RBFOX1: variants seen among roughly 807,000 people sequenced by gnomAD.
RBFOX1 encodes the protein RNA binding protein fox-1 homolog 1.
RBFOX1 carries 8 observed loss-of-function variants against 57.7 expected under a neutral mutation model. The observed-to-expected ratio is 0.14, with a 90% confidence interval of 0.08 to 0.25. The LOEUF is 0.25. Among genes scored for constraint, RBFOX1 ranks in the 10% least tolerant of loss-of-function variants. The pLI is 1.00. For missense variants in RBFOX1, 611 were observed against 548.5 expected, an observed-to-expected ratio of 1.11 and a Z score of -1.14; for synonymous variants, 326 against 222.4, an observed-to-expected ratio of 1.47 and a Z score of -4.15.
chr16:6,018,084 A>G (rs999602549), upstream of RBFOX1, among the ~76,000 whole-genome samples: 3 of 152,180 alleles, frequency 2.0e-5, no homozygotes, highest in South Asian at 2.1e-4. Flanking sequence ...CCTTGAACAA[A>G]TTACAACTCA....
chr16:7,707,529 G>C (rs149917913), intron 14 of RBFOX1, among the ~76,000 whole-genome samples: 56 of 152,204 alleles, frequency 3.7e-4, no homozygotes, highest in African/African-American at 1.2e-3. Context: ...AATGGTCAAA[G>C]AATCAAAAAA....
intron 2 of RBFOX1, among the ~76,000 whole-genome samples, chr16:6,647,175 G>A (rs1429074262): frequency 2.0e-5 from 3 of 150,182 alleles, no homozygotes; most frequent in Admixed American, 1.3e-4. Flanking sequence ...TACGCTACCA[G>A]AGAGAGAGAG....
intron 3 of RBFOX1, among the ~76,000 whole-genome samples, chr16:7,051,810 C>T (rs971595547): frequency 6.6e-6 from 1 of 152,190 alleles, no homozygotes; most frequent in Non-Finnish European, 1.5e-5. Context: ...GCCTCCCACA[C>T]ATACTCCTGC....
chr16:7,024,988 A>C (rs1434666177), intron 3 of RBFOX1, among the ~76,000 whole-genome samples: 2 of 152,162 alleles, frequency 1.3e-5, no homozygotes, highest in Admixed American at 1.3e-4. Context: ...AGCAGAGATG[A>C]AACTGTTACA....
rs371478148 is a variant in RBFOX1, at chr16:7,133,324, T to C, written c.27+81226T>C. Among the ~76,000 whole-genome samples the C allele has an allele frequency of 1.4e-4, 22 of 152,364 alleles. No individual in the cohort carries two copies. In the South Asian group the frequency reaches 3.3e-3, roughly 23 times the overall value. ...TTGAAAAGCTTTGGCTTTTGAGATA[T>C]TTGGTTTCTGGACTCTTGTTTCTGT... On this transcript the variant is annotated intron_variant, in intron 4 of 15. Coordinates refer to ENST00000550418, the MANE Select transcript of RBFOX1 (RefSeq NM_018723.4).
chr16:7,573,269 G>A (rs915105372), intron 5 of RBFOX1, among the ~76,000 whole-genome samples: 3 of 152,078 alleles, frequency 2.0e-5, no homozygotes, highest in Non-Finnish European at 2.9e-5. Flanking sequence ...GCCAACAAGC[G>A]ACAATGGGAG....
intron 2 of RBFOX1, among the ~76,000 whole-genome samples, chr16:5,561,948 C>T (rs1048052555): frequency 2.6e-5 from 4 of 152,142 alleles, no homozygotes; most frequent in Admixed American, 2.6e-4. Flanking sequence ...GCCTCTTTTC[C>T]CCTGTCATCG....
chr16:6,622,543 A>G (rs2154044192), intron 2 of RBFOX1, among the ~76,000 whole-genome samples: 1 of 152,314 alleles, frequency 6.6e-6, no homozygotes, highest in Non-Finnish European at 1.5e-5. Context: ...TGTCACAAGG[A>G]TGAAATCACC....
chr16:6,231,249 T>TGC (rs2097457851), intron 1 of RBFOX1, among the ~76,000 whole-genome samples: 1 of 151,722 alleles, frequency 6.6e-6, no homozygotes, highest in Non-Finnish European at 1.5e-5. Flanking sequence ...GGTGTGTGTG[T>TGC]GTGTGTGTGT....
upstream of RBFOX1, among the ~76,000 whole-genome samples, chr16:6,014,419 A>G (rs1322446249): frequency 1.3e-5 from 2 of 152,218 alleles, no homozygotes; most frequent in Non-Finnish European, 2.9e-5. Context: ...TCTTTTCACA[A>G]AAAAGAGACC....
chr16:6,367,030 C>A (rs560100041), intron 2 of RBFOX1, among the ~76,000 whole-genome samples: 27 of 152,288 alleles, frequency 1.8e-4, no homozygotes, highest in African/African-American at 6.3e-4. Context: ...ATTGGTGCTT[C>A]ACACTATTTT....
intron 3 of RBFOX1, among the ~76,000 whole-genome samples, chr16:6,854,352 G>T (rs961948919): frequency 5.9e-5 from 9 of 152,090 alleles, no homozygotes; most frequent in African/African-American, 1.9e-4. Context: ...CCTATGAAGA[G>T]GAAAGGGCTT....
chr16:5,392,171 T>C (rs2066429578), intron 1 of RBFOX1, among the ~76,000 whole-genome samples: 2 of 152,090 alleles, frequency 1.3e-5, no homozygotes, highest in South Asian at 4.2e-4. Context: ...AGACTACAAA[T>C]TGGGTTCATT....
chr16:7,580,742 C>A (rs956384651), intron 6 of RBFOX1, among the ~76,000 whole-genome samples: 12 of 152,152 alleles, frequency 7.9e-5, no homozygotes, highest in African/African-American at 1.4e-4. Context: ...TTTCTTTGAC[C>A]AGTGTTCCAC....
chr16:5,384,028 G>A lies in RBFOX1; in HGVS notation c.220-83188G>A, dbSNP rs540868140. ...CCACAGGGTGGTACCAGTGGCATCAGGCGCTCAGCTTCCCAGCTCCCAGCT... is the reference window on the plus strand; with the variant it reads ...CCACAGGGTGGTACCAGTGGCATCAAGCGCTCAGCTTCCCAGCTCCCAGCT... On this transcript the variant is annotated intron_variant, in intron 1 of 2. Coordinates refer to the RBFOX1 transcript ENST00000585867. Among the ~76,000 whole-genome samples the A allele has an allele frequency of 1.2e-3, 178 of 152,308 alleles. 2 individuals carry two copies. The highest frequency in any genetic ancestry group is 4.0e-3 in the African/African-American group (167 of 41,566).
At position 6,523,290 on chromosome 16, in the gene RBFOX1, A is replaced by T. The variant is rs1054503423; in HGVS notation, c.-63-131313A>T. On this transcript the variant is annotated intron_variant, in intron 2 of 15. Transcript: ENST00000550418. ...GGAAGAGACAGAGGGAGGGGGGGTT[A>T]GTACTGGCAATAAGTTGATAAAGCT... Among the ~76,000 whole-genome samples the T allele has an allele frequency of 2.6e-5, 4 of 152,246 alleles. No individual in the cohort carries two copies. The East Asian group carries it at 5.8e-4, about 22-fold the overall frequency.
chr16:5,369,605 G>A (rs921562247), intron 1 of RBFOX1, among the ~76,000 whole-genome samples: 3 of 152,204 alleles, frequency 2.0e-5, no homozygotes, highest in Middle Eastern at 6.3e-3. Context: ...CTCCTGAGCA[G>A]CGGTCGAGCT....
intron 6 of RBFOX1, among the ~76,000 whole-genome samples, chr16:7,581,660 T>C (rs978946444): frequency 6.6e-5 from 10 of 152,052 alleles, no homozygotes; most frequent in Non-Finnish European, 1.2e-4. Flanking sequence ...AGGAGCAAGA[T>C]CTTGCCAAAA....
intron 4 of RBFOX1, among the ~76,000 whole-genome samples, chr16:7,138,175 TG>T (rs2072586486): frequency 6.6e-6 from 1 of 152,068 alleles, no homozygotes; most frequent in Non-Finnish European, 1.5e-5. Flanking sequence ...TCCAAAGCTT[TG>T]GGTGTGAGGA....
Sources: allele counts gnomAD v4.1 joint callset (sites outside exome capture counted in the v4.1 genomes callset), GRCh38; gene constraint gnomAD v4.1.1; transcripts MANE v1.5; gene names NCBI Gene and HGNC (gene_info 2026-07-23, HGNC 2026-07-21).